The following PRKG1 variants were observed in gnomAD, a reference collection of about 807,000 sequenced individuals.
PRKG1 encodes protein kinase cGMP-dependent 1, also known as cGMP-dependent protein kinase 1.
Under a neutral mutation model 88.1 loss-of-function variants are expected in PRKG1, and 35 were observed. The observed-to-expected ratio is 0.40, with a 90% CI of 0.30 to 0.53. The LOEUF is 0.53. Ranked by LOEUF, PRKG1 falls within the 20% of genes least tolerant of loss-of-function variation. The pLI is 0.59. For missense variants in PRKG1, 540 were observed against 839.8 expected, an observed-to-expected ratio of 0.64 and a Z score of 4.41; for synonymous variants, 303 against 292.5, an observed-to-expected ratio of 1.04 and a Z score of -0.37.
chr10:52,111,332 T>C (rs1205559791), intron 7 of PRKG1, among the ~76,000 whole-genome samples: 1 of 152,242 alleles, frequency 6.6e-6, no homozygotes, highest in Non-Finnish European at 1.5e-5. Flanking sequence ...AAATGTCAGC[T>C]ATTATACTAA....
chr10:52,008,962 CA>C (rs1459071302), intron 5 of PRKG1, among the ~76,000 whole-genome samples: 1 of 151,950 alleles, frequency 6.6e-6, no homozygotes, highest in African/African-American at 2.4e-5. Context: ...AAAAGGCTTT[CA>C]ATAAAATTCA....
chr10:51,960,161 A>C (rs1843412260), intron 5 of PRKG1, among the ~76,000 whole-genome samples: 1 of 151,804 alleles, frequency 6.6e-6, no homozygotes, highest in Non-Finnish European at 1.5e-5. Context: ...GAAAACAAAC[A>C]AAAACATTGA....
chr10:51,333,568 A>G (rs999156314), intron 2 of PRKG1, among the ~76,000 whole-genome samples: 2 of 152,138 alleles, frequency 1.3e-5, no homozygotes, highest in Non-Finnish European at 2.9e-5. Context: ...TGTGTAGAAC[A>G]TAGCGAGGTG....
At chr10:51,475,809 A>AT (rs1487500842) in intron 3 of PRKG1, among the ~76,000 whole-genome samples, 1 of 152,014 alleles carries the variant, frequency 6.6e-6, no homozygotes, top group Non-Finnish European at 1.5e-5. Flanking sequence ...TCACTTTTAG[A>AT]TTTATTAAAC....
In PRKG1 at chr10:51,259,030, T is replaced by A. The variant is rs1029281858; in HGVS notation, c.478+105700T>A. On this transcript the variant is annotated intron_variant, in intron 2 of 17. Coordinates refer to ENST00000373980, the MANE Select transcript of PRKG1 (RefSeq NM_006258.4). ...TTTGGTTTGGTTCCACATTTTATAGTTTTTAGGGCTATATGGTGCCCCCTG... is the reference window on the plus strand; with the variant it reads ...TTTGGTTTGGTTCCACATTTTATAGATTTTAGGGCTATATGGTGCCCCCTG... 8.4e-4 allele frequency among the ~76,000 whole-genome samples: 128 copies of A among 152,202 alleles called. 1 individual carries two copies. Among genetic ancestry groups the A allele is most frequent in the Non-Finnish European group, 1.9e-4 (13 of 68,030 alleles).
At chr10:51,190,467 G>T (rs1255986488) in intron 2 of PRKG1, among the ~76,000 whole-genome samples, 1 of 151,818 alleles carries the variant, frequency 6.6e-6, no homozygotes, top group Non-Finnish European at 1.5e-5. Context: ...TGCAAACATA[G>T]TATGGACTAA....
intron 3 of PRKG1, among the ~76,000 whole-genome samples, chr10:51,690,427 A>G (rs1841108060): frequency 6.6e-6 from 1 of 152,160 alleles, no homozygotes; most frequent in Admixed American, 6.5e-5. Context: ...AAATAACATG[A>G]TCTGGTTAAG....
intron 6 of PRKG1, 32 bp downstream of exon 6, chr10:52,054,593 CTAGGGGAG>C: frequency 1.3e-6 from 2 of 1,589,678 alleles, no homozygotes; most frequent in Non-Finnish European, 1.7e-6. Context: ...CAGTGATGCA[CTAGGGGAG>C]CCTGGGGTTG....
At chr10:51,894,194 C>T (rs1404667355) in intron 4 of PRKG1, among the ~76,000 whole-genome samples, 1 of 152,098 alleles carries the variant, frequency 6.6e-6, no homozygotes, top group Non-Finnish European at 1.5e-5. Flanking sequence ...TTATCATATA[C>T]CAAATGAAAA....
chr10:51,551,576 G>T (rs954353975), intron 3 of PRKG1, among the ~76,000 whole-genome samples: 1 of 151,682 alleles, frequency 6.6e-6, no homozygotes, highest in Non-Finnish European at 1.5e-5. Context: ...TTTTCTATTT[G>T]CTGTGGCAGA....
intron 8 of PRKG1, among the ~76,000 whole-genome samples, chr10:52,157,472 G>A (rs1242621124): frequency 1.3e-5 from 2 of 150,842 alleles, no homozygotes; most frequent in African/African-American, 2.4e-5. Context: ...TCTAGATGAA[G>A]TCTCATTATA....
At chr10:52,055,570 A>C (rs1425568987) in intron 6 of PRKG1, among the ~76,000 whole-genome samples, 1 of 152,170 alleles carries the variant, frequency 6.6e-6, no homozygotes, top group Admixed American at 6.5e-5. Context: ...TGTATTACTA[A>C]AATACCTTAA....
chr10:51,261,413 C>A (rs1455179971), intron 2 of PRKG1, among the ~76,000 whole-genome samples: 1 of 152,084 alleles, frequency 6.6e-6, no homozygotes, highest in East Asian at 1.9e-4. Context: ...ACTGTATTTT[C>A]TTTTCCAAAA....
chr10:51,603,062 A>G (rs1838659246), intron 3 of PRKG1, among the ~76,000 whole-genome samples: 2 of 151,886 alleles, frequency 1.3e-5, no homozygotes, highest in South Asian at 4.2e-4. Flanking sequence ...GGTTCAAGCA[A>G]TTCTCCTGCC....
At chr10:51,352,868 C>A (rs1362284481) in intron 2 of PRKG1, among the ~76,000 whole-genome samples, 1 of 151,962 alleles carries the variant, frequency 6.6e-6, no homozygotes, top group Non-Finnish European at 1.5e-5. Flanking sequence ...TTATATTACA[C>A]AGCTACAGTA....
intron 5 of PRKG1, among the ~76,000 whole-genome samples, chr10:51,946,476 T>C (rs555114781): frequency 1.6e-4 from 24 of 152,234 alleles, no homozygotes; most frequent in African/African-American, 5.5e-4. Flanking sequence ...AGTCATTCTC[T>C]GTCCAGCTTT....
At chr10:52,042,421 A>G (rs867355014) in intron 5 of PRKG1, among the ~76,000 whole-genome samples, 10 of 152,180 alleles carry the variant, frequency 6.6e-5, no homozygotes, top group Non-Finnish European at 1.2e-4. Context: ...ATAAATCCAC[A>G]TATCAACAGC....
chr10:51,058,646 CTAATTT>C (rs1243122352), intron 1 of PRKG1, among the ~76,000 whole-genome samples: 2 of 152,116 alleles, frequency 1.3e-5, no homozygotes, highest in African/African-American at 2.4e-5. Flanking sequence ...AACAAATTTT[CTAATTT>C]TAATGTGGTT....
chr10:51,408,014 C>T (rs972419971), intron 2 of PRKG1, among the ~76,000 whole-genome samples: 13 of 152,136 alleles, frequency 8.5e-5, no homozygotes, highest in African/African-American at 2.4e-4. Context: ...GAACTAAGAC[C>T]TCTAGGCCAG....
Sources: allele counts gnomAD v4.1 joint callset (sites outside exome capture counted in the v4.1 genomes callset), GRCh38; gene constraint gnomAD v4.1.1; transcripts MANE v1.5; gene names NCBI Gene and HGNC (gene_info 2026-07-23, HGNC 2026-07-21).